PPP1R1C: variants seen among roughly 807,000 people sequenced by gnomAD.
PPP1R1C encodes protein phosphatase 1 regulatory subunit 1C.
In PPP1R1C, 15 loss-of-function variants were observed where a neutral mutation model predicts 17.4. The observed-to-expected ratio is 0.86, with a 90% CI of 0.58 to 1.33. PPP1R1C has a LOEUF of 1.33. Ranked by LOEUF, PPP1R1C falls within the 40% of genes most tolerant of loss-of-function variation. PPP1R1C has a pLI of 0.00. For synonymous variants in PPP1R1C, 35 were observed against 43.1 expected, an observed-to-expected ratio of 0.81 and a Z score of 0.73; for missense variants, 143 against 130.0, an observed-to-expected ratio of 1.10 and a Z score of -0.48.
rs538961270 is a variant in PPP1R1C at position 182,008,471 on chromosome 2, C to T, written c.142+20572C>T. Among the ~76,000 whole-genome samples the T allele has an allele frequency of 3.9e-5, 6 of 152,208 alleles. No homozygotes were observed. In the South Asian group the frequency reaches 1.0e-3, roughly 26 times the overall value. On this transcript the variant is annotated intron_variant, in intron 2 of 4. Transcript: ENST00000682840. ...TTTATATCTCAGTTTTACCACTTAG[C>T]CATCGAAGGATCCTACAAAAGCGAC...
intron 4 of PPP1R1C, among the ~76,000 whole-genome samples, chr2:182,109,033 G>T (rs1191611397): frequency 1.3e-5 from 2 of 152,052 alleles, no homozygotes; most frequent in Admixed American, 1.3e-4. Context: ...TCAGTGTTTT[G>T]GATTTCAGCC....
intron 2 of PPP1R1C, among the ~76,000 whole-genome samples, chr2:181,978,287 C>T (rs149360627): frequency 6.6e-6 from 1 of 152,320 alleles, no homozygotes; most frequent in Non-Finnish European, 1.5e-5. Flanking sequence ...CAAACCTCTG[C>T]ATGCGACTTG....
intron 2 of PPP1R1C, among the ~76,000 whole-genome samples, chr2:182,015,521 A>G (rs1331294790): frequency 1.3e-5 from 2 of 152,144 alleles, no homozygotes; most frequent in Non-Finnish European, 2.9e-5. Context: ...GTTGGGTCAC[A>G]TCTAAAGCTG....
intron 4 of PPP1R1C, among the ~76,000 whole-genome samples, chr2:182,076,192 C>CTTTTTT (rs1688296764): frequency 7.7e-5 from 2 of 25,834 alleles, no homozygotes; most frequent in Non-Finnish European, 7.4e-5. Context: ...TTTTTTTTTT[C>CTTTTTT]TTTTCTTTTT....
At chr2:182,043,325 C>T (rs1234643604) in intron 2 of PPP1R1C, among the ~76,000 whole-genome samples, 4 of 152,068 alleles carry the variant, frequency 2.6e-5, no homozygotes, top group African/African-American at 9.7e-5. Flanking sequence ...GCCAAGCCTC[C>T]TCAAAAGGTC....
chr2:181,973,602 C>T (rs1209239871), intron 1 of PPP1R1C, among the ~76,000 whole-genome samples: 9 of 152,052 alleles, frequency 5.9e-5, no homozygotes, highest in East Asian at 1.9e-4. Flanking sequence ...AAAGGCAAGA[C>T]GAATGTTTCA....
intron 2 of PPP1R1C, among the ~76,000 whole-genome samples, chr2:181,994,976 G>C (rs1685573344): frequency 6.6e-6 from 1 of 152,154 alleles, no homozygotes; most frequent in Admixed American, 6.5e-5. Flanking sequence ...GATGTTAAAT[G>C]CCTGTGAACG....
Position 182,018,681 on chromosome 2 carries a change from G to A in PPP1R1C, c.142+30782G>A, listed in dbSNP as rs557563248. Among the ~76,000 whole-genome samples, 3 of 152,314 alleles carry A rather than the reference G, an allele frequency of 2.0e-5. No individual in the cohort carries two copies. The South Asian group carries it at 6.2e-4, about 32-fold the overall frequency. On this transcript the variant is annotated intron_variant, in intron 2 of 4. Transcript: ENST00000682840. Reference sequence around the variant, plus strand: ...CTAGAACATGATGTGATTAAATGAGGTTCAGTCTTGCAGCATGCAATTTGA... The same window carrying A: ...CTAGAACATGATGTGATTAAATGAGATTCAGTCTTGCAGCATGCAATTTGA...
chr2:182,067,611 C>T (rs1688023079), intron 4 of PPP1R1C, among the ~76,000 whole-genome samples: 1 of 152,150 alleles, frequency 6.6e-6, no homozygotes, highest in Non-Finnish European at 1.5e-5. Flanking sequence ...CGGTTCCACC[C>T]TCAATGCCAC....
chr2:182,076,216 T>C (rs1277041413), intron 4 of PPP1R1C, among the ~76,000 whole-genome samples: 1 of 101,598 alleles, frequency 9.8e-6, no homozygotes. Context: ...TTTTTTTTTT[T>C]TTTTTTTTTT....
chr2:182,097,566 T>G (rs1472611915), intron 4 of PPP1R1C, among the ~76,000 whole-genome samples: 1 of 152,216 alleles, frequency 6.6e-6, no homozygotes, highest in Non-Finnish European at 1.5e-5. Flanking sequence ...TTCACCCCTT[T>G]AGTCTTTCCA....
intron 1 of PPP1R1C, among the ~76,000 whole-genome samples, chr2:181,960,553 A>G (rs980797048): frequency 1.3e-5 from 2 of 152,248 alleles, no homozygotes; most frequent in Admixed American, 6.5e-5. Context: ...AACGTTTTCC[A>G]TCCTCCATTT....
chr2:181,987,615 A>G (rs1209134005), intron 1 of PPP1R1C, among the ~76,000 whole-genome samples: 5 of 152,198 alleles, frequency 3.3e-5, no homozygotes, highest in Non-Finnish European at 5.9e-5. Flanking sequence ...TTCCGTGGAA[A>G]TGTAGCTTTT....
At chr2:181,998,764 G>C (rs775954337) in intron 2 of PPP1R1C, among the ~76,000 whole-genome samples, 2 of 152,146 alleles carry the variant, frequency 1.3e-5, no homozygotes, top group Admixed American at 6.5e-5. Context: ...GATCAACTAG[G>C]AACAGGCTTA....
In PPP1R1C at chr2:181,995,631, C is replaced by A. The variant is rs148113442; in HGVS notation, c.142+7732C>A. Among the ~76,000 whole-genome samples the A allele has an allele frequency of 6.8e-3, 1,030 of 152,192 alleles. 13 individuals carry two copies. Among genetic ancestry groups the A allele is most frequent in the African/African-American group, 0.023 (967 of 41,526 alleles). On this transcript the variant is annotated intron_variant, in intron 2 of 4. Coordinates refer to ENST00000682840, the MANE Select transcript of PPP1R1C (RefSeq NM_001080545.3). The stretch of plus-strand genomic sequence containing the variant: ...TTGATAGAAAAAATTACTAACAGTT[C>A]TTTCTAATTGCTTCTAGTTGATAGT...
chr2:182,076,360 A>G, intron 4 of PPP1R1C, among the ~76,000 whole-genome samples: 1 of 144,004 alleles, frequency 6.9e-6, no homozygotes, highest in African/African-American at 2.7e-5. Context: ...ACGCCCGACT[A>G]ATTTTTTTTT....
At chr2:182,126,706 C>A (rs1051354520) in intron 5 of PPP1R1C, among the ~76,000 whole-genome samples, 1 of 151,998 alleles carries the variant, frequency 6.6e-6, no homozygotes, top group East Asian at 1.9e-4. Context: ...AACCGTAGGT[C>A]TTTCCTTGAC....
At chr2:182,057,062 A>C (rs934450575) in intron 2 of PPP1R1C, among the ~76,000 whole-genome samples, 8 of 152,204 alleles carry the variant, frequency 5.3e-5, no homozygotes, top group African/African-American at 1.9e-4. Flanking sequence ...TTGCACTACT[A>C]TTGTAATTTG....
intron 4 of PPP1R1C, among the ~76,000 whole-genome samples, chr2:182,070,796 T>TA (rs1688117518): frequency 2.0e-5 from 3 of 152,222 alleles, no homozygotes; most frequent in Admixed American, 2.0e-4. Context: ...TGCTAGCACC[T>TA]GCTCGGCTTC....
Sources: allele counts gnomAD v4.1 joint callset (sites outside exome capture counted in the v4.1 genomes callset), GRCh38; gene constraint gnomAD v4.1.1; transcripts MANE v1.5; gene names NCBI Gene and HGNC (gene_info 2026-07-23, HGNC 2026-07-21).